The following HS3ST2 variants were observed in gnomAD, a reference collection of about 807,000 sequenced individuals.
The protein encoded by HS3ST2 is heparan sulfate-glucosamine 3-sulfotransferase 2, also known as heparan sulfate glucosamine 3-O-sulfotransferase 2.
HS3ST2 carries 17 observed loss-of-function variants against 26.3 expected under a neutral mutation model. The observed-to-expected ratio is 0.65, with a 90% CI of 0.44 to 0.97. The LOEUF (loss-of-function observed/expected upper bound fraction) is 0.97, where lower values mean the gene tolerates loss of function less well. Among genes scored for constraint, HS3ST2 ranks in the 50% least tolerant of loss-of-function variants. HS3ST2 has a pLI of 0.00. For synonymous variants in HS3ST2, 237 were observed against 219.2 expected (o/e 1.08, Z -0.72); for missense variants, 402 against 501.2 (o/e 0.80, Z 1.89).
At chr16:22,839,499 T>G (rs1049061037) in intron 1 of HS3ST2, among the ~76,000 whole-genome samples, 6 of 152,204 alleles carry the variant, frequency 3.9e-5, no homozygotes, top group African/African-American at 9.7e-5. Context: ...TCACAACGTT[T>G]TTTTCTTCTT....
chr16:22,911,831 T>C (rs1244144133), intron 1 of HS3ST2, among the ~76,000 whole-genome samples: 2 of 152,230 alleles, frequency 1.3e-5, no homozygotes, highest in African/African-American at 4.8e-5. Context: ...CACGTTCAAA[T>C]GTTCTGGGTG....
chr16:22,896,738 T>C (rs1368821392), intron 1 of HS3ST2, among the ~76,000 whole-genome samples: 2 of 152,218 alleles, frequency 1.3e-5, no homozygotes, highest in Non-Finnish European at 2.9e-5. Context: ...GTCTTAACTG[T>C]GTTTTCATGT....
chr16:22,898,319 G>T (rs1452179869), intron 1 of HS3ST2, among the ~76,000 whole-genome samples: 1 of 152,110 alleles, frequency 6.6e-6, no homozygotes, highest in Non-Finnish European at 1.5e-5. Flanking sequence ...AACCACTTCA[G>T]AGAGTGACAC....
At chr16:22,901,847 A>G (rs1398500135) in intron 1 of HS3ST2, among the ~76,000 whole-genome samples, 1 of 152,284 alleles carries the variant, frequency 6.6e-6, no homozygotes, top group East Asian at 1.9e-4. Flanking sequence ...GGCTTTCTTC[A>G]TCCTAAATAA....
intron 1 of HS3ST2, among the ~76,000 whole-genome samples, chr16:22,879,023 A>C (rs1901954674): frequency 6.6e-6 from 1 of 152,232 alleles, no homozygotes; most frequent in Non-Finnish European, 1.5e-5. Flanking sequence ...CAACCATCTT[A>C]GAGGGAGAAA....
intron 1 of HS3ST2, among the ~76,000 whole-genome samples, chr16:22,827,649 T>G (rs1471206437): frequency 6.6e-6 from 1 of 151,778 alleles, no homozygotes; most frequent in African/African-American, 2.4e-5. Flanking sequence ...CTGCTGAGGT[T>G]GATGATGGTA....
At chr16:22,888,889 G>A (rs1257875071) in intron 1 of HS3ST2, among the ~76,000 whole-genome samples, 2 of 152,128 alleles carry the variant, frequency 1.3e-5, no homozygotes, top group African/African-American at 4.8e-5. Flanking sequence ...TTGCACCTTG[G>A]GTGCATTTCC....
rs978788236 is a variant in HS3ST2, at chr16:22,854,298, C to A, written c.485+39203C>A. 3.9e-4 allele frequency among the ~76,000 whole-genome samples: 59 copies of A among 152,228 alleles called. 1 individual carries two copies. The highest frequency in any genetic ancestry group is 1.3e-3 in the African/African-American group (54 of 41,546). ...CTTTTCCCTGAGTATTTATAGAGTT[C>A]TTTTCCTTGAAGTTAGAACTTTGCC... is the stretch of plus-strand genomic sequence containing the variant. On this transcript the variant is annotated intron_variant, in intron 1 of 1. Transcript: ENST00000261374.
At chr16:22,869,445 T>G (rs957041985) in intron 1 of HS3ST2, among the ~76,000 whole-genome samples, 1 of 152,190 alleles carries the variant, frequency 6.6e-6, no homozygotes, top group African/African-American at 2.4e-5. Context: ...TGTTAGTCTG[T>G]TTTAATGCTG....
At chr16:22,858,410 G>A (rs1901630392) in intron 1 of HS3ST2, among the ~76,000 whole-genome samples, 1 of 151,708 alleles carries the variant, frequency 6.6e-6, no homozygotes, top group Non-Finnish European at 1.5e-5. Context: ...TGTTTTGTTT[G>A]TGATGTGAGT....
chr16:22,871,436 T>C (rs1294609125), intron 1 of HS3ST2, among the ~76,000 whole-genome samples: 1 of 152,102 alleles, frequency 6.6e-6, no homozygotes. Flanking sequence ...GTTCTGAGCA[T>C]ATTTAAGGTC....
intron 1 of HS3ST2, among the ~76,000 whole-genome samples, chr16:22,838,364 T>C (rs1901302011): frequency 6.6e-6 from 1 of 152,094 alleles, no homozygotes; most frequent in African/African-American, 2.4e-5. Flanking sequence ...AGTTGCACCT[T>C]TCAGATGCAA....
intron 1 of HS3ST2, among the ~76,000 whole-genome samples, chr16:22,860,205 G>A (rs1324457684): frequency 6.6e-6 from 1 of 152,162 alleles, no homozygotes; most frequent in Non-Finnish European, 1.5e-5. Context: ...CATGGCTGGG[G>A]AGGCCTCACA....
intron 1 of HS3ST2, among the ~76,000 whole-genome samples, chr16:22,849,573 A>C (rs1901490914): frequency 6.6e-6 from 1 of 152,168 alleles, no homozygotes; most frequent in African/African-American, 2.4e-5. Flanking sequence ...AACAAGTATC[A>C]ATGTGCTCAC....
chr16:22,888,373 CTTTTTTTTTTT>C (rs1165585404), intron 1 of HS3ST2, among the ~76,000 whole-genome samples: 4 of 61,306 alleles, frequency 6.5e-5, no homozygotes, highest in Non-Finnish European at 9.5e-5. Context: ...TCTGGCTTTT[CTTTTTTTTTTT>C]TTTTTTTTCT....
At chr16:22,817,452 G>A (rs1324571262) in intron 1 of HS3ST2, among the ~76,000 whole-genome samples, 1 of 152,112 alleles carries the variant, frequency 6.6e-6, no homozygotes, top group Non-Finnish European at 1.5e-5. Context: ...CTTAGATGCT[G>A]TTTCCATAAC....
At chr16:22,885,861 T>C (rs1902052311) in intron 1 of HS3ST2, among the ~76,000 whole-genome samples, 1 of 152,166 alleles carries the variant, frequency 6.6e-6, no homozygotes, top group African/African-American at 2.4e-5. Context: ...CTGTGGTCAC[T>C]GGTCGACAAA....
intron 1 of HS3ST2, among the ~76,000 whole-genome samples, chr16:22,863,067 A>G (rs923879640): frequency 4.6e-5 from 7 of 152,320 alleles, no homozygotes; most frequent in East Asian, 1.9e-4. Flanking sequence ...TGGGCCTCCA[A>G]TGAGGCACTA....
chr16:22,819,576 A>G (rs576068826), intron 1 of HS3ST2, among the ~76,000 whole-genome samples: 6 of 152,222 alleles, frequency 3.9e-5, no homozygotes, highest in African/African-American at 1.4e-4. Flanking sequence ...TTCTAAATGC[A>G]TTGAAATGCC....
Sources: gnomAD v4.1 joint callset for allele counts (sites outside exome capture counted in the v4.1 genomes callset) on GRCh38, gnomAD v4.1.1 for gene constraint, MANE v1.5 for transcripts, NCBI Gene and HGNC (gene_info 2026-07-23, HGNC 2026-07-21) for gene names.